NTRK3: variants seen among roughly 807,000 people sequenced by gnomAD.
NTRK3 encodes NT-3 growth factor receptor.
A neutral mutation model predicts 91.7 loss-of-function variants in NTRK3; 24 were observed. The ratio of observed to expected loss-of-function variants is 0.26; its 90% CI spans 0.19 to 0.37. NTRK3 has a LOEUF of 0.37. NTRK3 is among the 10% of genes least tolerant of loss of function. The pLI, the probability that NTRK3 is intolerant of heterozygous loss-of-function variation, is 1.00. For synonymous variants in NTRK3, 483 were observed against 404.0 expected, an observed-to-expected ratio of 1.20 and a Z score of -2.34; for missense variants, 880 against 1,068.9, an observed-to-expected ratio of 0.82 and a Z score of 2.46.
intron 14 of NTRK3, among the ~76,000 whole-genome samples, chr15:87,997,650 T>C (rs2075800498): frequency 6.6e-6 from 1 of 152,230 alleles, no homozygotes. Context: ...TCAAGTGTTA[T>C]CATTATACAA....
chr15:88,152,317 AAAAC>A lies in NTRK3; in HGVS notation c.396-4918_396-4915del, dbSNP rs1318216134. On this transcript the variant is annotated intron_variant, in intron 5 of 18. Transcript: ENST00000394480. ...ACTCCATCTCAAAACAAAACAAAACAAAACAAACAAACAAAATCCTAACCCCCAT... is the reference window on the plus strand; with the variant it reads ...ACTCCATCTCAAAACAAAACAAAACAAAACAAACAAAATCCTAACCCCCAT... 5.3e-5 allele frequency among the ~76,000 whole-genome samples: 8 copies of A among 152,318 alleles called. No homozygotes were observed. In the South Asian group the frequency reaches 6.2e-4, roughly 12 times the overall value.
At chr15:87,991,185 C>A (rs572842692) in intron 14 of NTRK3, among the ~76,000 whole-genome samples, 2 of 151,860 alleles carry the variant, frequency 1.3e-5, no homozygotes, top group East Asian at 3.9e-4. Context: ...TTTCTGTTGG[C>A]TTCTCTTCCT....
At chr15:88,098,032 C>T (rs2049800683) in intron 13 of NTRK3, among the ~76,000 whole-genome samples, 1 of 152,200 alleles carries the variant, frequency 6.6e-6, no homozygotes, top group African/African-American at 2.4e-5. Flanking sequence ...TCTACAGTGT[C>T]CTTCCATTTT....
chr15:88,199,532 T>C (rs2048113826), intron 3 of NTRK3, among the ~76,000 whole-genome samples: 1 of 152,182 alleles, frequency 6.6e-6, no homozygotes, highest in Non-Finnish European at 1.5e-5. Context: ...AAAGGAATTG[T>C]CCAAATTAGT....
At chr15:88,132,431 A>G (rs978184802) in intron 10 of NTRK3, among the ~76,000 whole-genome samples, 26 of 152,184 alleles carry the variant, frequency 1.7e-4, no homozygotes, top group African/African-American at 6.3e-4. Context: ...ATTGTCCTCC[A>G]TCTAGTACTG....
intron 3 of NTRK3, among the ~76,000 whole-genome samples, chr15:88,207,600 G>T (rs1032759979): frequency 6.6e-6 from 1 of 152,188 alleles, no homozygotes; most frequent in Non-Finnish European, 1.5e-5. Flanking sequence ...TCTGGAGAAG[G>T]ATATCCTGCC....
chr15:88,015,462 C>T (rs1285248303), intron 14 of NTRK3, among the ~76,000 whole-genome samples: 1 of 152,106 alleles, frequency 6.6e-6, no homozygotes, highest in Admixed American at 6.5e-5. Flanking sequence ...TCCTGTCCAT[C>T]TCTGCCAGTC....
intron 13 of NTRK3, among the ~76,000 whole-genome samples, chr15:88,107,408 A>G (rs2050835737): frequency 6.6e-6 from 1 of 152,182 alleles, no homozygotes; most frequent in African/African-American, 2.4e-5. Context: ...ACATTACTGC[A>G]CTCCAGCCTG....
rs138775293 is a variant in NTRK3, at chr15:88,041,522, T to A, written c.1397-8477A>T. ...GGATGCATCACTCCCACGTGGAAGC[T>A]TGAAGATCCAGTGTGACTTGTCACA... On this transcript the variant is annotated intron_variant, in intron 13 of 18. Transcript: ENST00000394480. Among the ~76,000 whole-genome samples, 230 of 152,342 alleles carry A rather than the reference T, an allele frequency of 1.5e-3. 1 individual carries two copies. Among genetic ancestry groups the A allele is most frequent in the Admixed American group, 4.2e-3 (65 of 15,302 alleles).
chr15:87,962,436 TGAA>T (rs2072389189), intron 14 of NTRK3, among the ~76,000 whole-genome samples: 1 of 152,180 alleles, frequency 6.6e-6, no homozygotes, highest in African/African-American at 2.4e-5. Flanking sequence ...GGAGAGGTGT[TGAA>T]GCCACAGCAT....
chr15:87,877,547 G>T (rs908592684), intron 18 of NTRK3, among the ~76,000 whole-genome samples: 1 of 152,096 alleles, frequency 6.6e-6, no homozygotes, highest in South Asian at 2.1e-4. Flanking sequence ...CCATGAAGGA[G>T]CTCTGCACCC....
chr15:87,939,622 G>A (rs2069619866), intron 15 of NTRK3, among the ~76,000 whole-genome samples: 1 of 152,148 alleles, frequency 6.6e-6, no homozygotes, highest in South Asian at 2.1e-4. Context: ...TGCTAAGGAT[G>A]GGACCATTGT....
chr15:88,162,312 T>C (rs1360772353), intron 5 of NTRK3, among the ~76,000 whole-genome samples: 2 of 152,114 alleles, frequency 1.3e-5, no homozygotes, highest in Non-Finnish European at 2.9e-5. Context: ...GAGAATCAAG[T>C]GAAATAACAC....
rs553434960 is a variant in NTRK3 at position 88,094,791 on chromosome 15, A to C, written c.1396+31480T>G. The stretch of plus-strand genomic sequence containing the variant: ...ATGTCCCTCCTTAAACACTTGATTT[A>C]CTCCCAGGGAATGACTTAGACAGTG... On this transcript the variant is annotated intron_variant, in intron 13 of 18. Coordinates refer to ENST00000394480, the Ensembl canonical transcript of NTRK3. Among the ~76,000 whole-genome samples, 252 of 152,152 alleles carry C rather than the reference A, an allele frequency of 1.7e-3. No individual in the cohort carries two copies. In the South Asian group the frequency reaches 0.022, roughly 13 times the overall value.
intron 17 of NTRK3, among the ~76,000 whole-genome samples, chr15:87,922,997 C>T (rs2068001749): frequency 6.6e-6 from 1 of 152,104 alleles, no homozygotes; most frequent in East Asian, 1.9e-4. Flanking sequence ...CATGGGACAC[C>T]AAGAGTTTGC....
intron 14 of NTRK3, among the ~76,000 whole-genome samples, chr15:87,953,146 C>T (rs185166373): frequency 6.6e-6 from 1 of 152,236 alleles, no homozygotes; most frequent in East Asian, 1.9e-4. Context: ...GGTTTTCTGG[C>T]CTGTCTCCTG....
intron 13 of NTRK3, among the ~76,000 whole-genome samples, chr15:88,044,984 A>G (rs1322893824): frequency 1.3e-5 from 2 of 152,212 alleles, no homozygotes; most frequent in African/African-American, 2.4e-5. Flanking sequence ...GGACTATTGC[A>G]GGTGCTTCTG....
At chr15:87,978,168 GAA>G (rs2073890769) in intron 14 of NTRK3, 1 of 230,474 alleles carries the variant, frequency 4.3e-6, no homozygotes, top group East Asian at 6.2e-5. Flanking sequence ...CTGAAGAAGG[GAA>G]AGTCACCCCC....
Position 88,235,188 on chromosome 15 carries a change from G to A in NTRK3, c.248+20718C>T, listed in dbSNP as rs1344296870. On this transcript the variant is annotated intron_variant, in intron 3 of 18. Transcript: ENST00000394480. The surrounding 1 kb of genome is among the most constrained non-coding windows in gnomAD (Gnocchi z 5.2). ...CTGATTTCTTTGCTTGCATATCAAC[G>A]GATGGCCTCTATCCACTGAATTGTA... 1.3e-5 allele frequency among the ~76,000 whole-genome samples: 2 copies of A among 152,132 alleles called. No homozygotes were observed. Among genetic ancestry groups the A allele is most frequent in the African/African-American group, 2.4e-5 (1 of 41,412 alleles).
Sources: allele counts gnomAD v4.1 joint callset (sites outside exome capture counted in the v4.1 genomes callset), GRCh38; gene constraint gnomAD v4.1.1; non-coding constraint Gnocchi (gnomAD v3.1); transcripts MANE v1.5; gene names NCBI Gene and HGNC (gene_info 2026-07-23, HGNC 2026-07-21).